Variants in NBAS observed in about 807,000 individuals in gnomAD.
NBAS encodes the protein NBAS subunit of NRZ tethering complex.
Under a neutral mutation model 302.5 loss-of-function variants are expected in NBAS, and 219 were observed. That is an observed-to-expected ratio of 0.72 (90% CI 0.65 to 0.81). NBAS has a LOEUF of 0.81. Among genes scored for constraint, NBAS ranks in the 30% least tolerant of loss-of-function variants. The pLI is 0.00. For synonymous variants in NBAS, 1,118 were observed against 1,021.6 expected (o/e 1.09, Z -1.80); for missense variants, 2,932 against 2,841.6 (o/e 1.03, Z -0.72).
At chr2:15,427,018 G>A (rs1677513611) in intron 22 of NBAS, among the ~76,000 whole-genome samples, 1 of 152,044 alleles carries the variant, frequency 6.6e-6, no homozygotes, top group South Asian at 2.1e-4. Flanking sequence ...GGACATTCAG[G>A]TCATACATTT....
At chr2:15,188,267 T>G (rs1665179833) in intron 49 of NBAS, among the ~76,000 whole-genome samples, 1 of 152,238 alleles carries the variant, frequency 6.6e-6, no homozygotes, top group Admixed American at 6.5e-5. Context: ...ACTAGTAAAT[T>G]ATAGTCATGT....
the NBAS span, among the ~76,000 whole-genome samples, chr2:14,915,251 T>C: frequency 6.6e-6 from 1 of 152,238 alleles, no homozygotes; most frequent in African/African-American, 2.4e-5. Context: ...CTGGGTCCTT[T>C]AGAAAGAGTC....
chr2:15,029,654 T>C, the NBAS span, among the ~76,000 whole-genome samples: 1 of 152,190 alleles, frequency 6.6e-6, no homozygotes, highest in Non-Finnish European at 1.5e-5. Context: ...TAGGTTTTCG[T>C]GTTCTTGTGT....
At chr2:14,864,893 T>C in the NBAS span, among the ~76,000 whole-genome samples, 2 of 152,214 alleles carry the variant, frequency 1.3e-5, no homozygotes, top group African/African-American at 4.8e-5. Context: ...AAGTGTTAGC[T>C]TGTATTATTA....
chr2:15,148,018 T>G, the NBAS span, among the ~76,000 whole-genome samples: 1 of 152,058 alleles, frequency 6.6e-6, no homozygotes, highest in Admixed American at 6.5e-5. Flanking sequence ...GATGCAGAGA[T>G]CCCCAGACAT....
intron 31 of NBAS, among the ~76,000 whole-genome samples, chr2:15,371,377 T>C (rs562034170): frequency 6.6e-6 from 1 of 152,006 alleles, no homozygotes; most frequent in East Asian, 1.9e-4. Flanking sequence ...ATTTTGAGAA[T>C]TAGTGAATAC....
rs774711181 is a variant in NBAS at position 15,467,378 on chromosome 2, C to A, written c.2048G>T (p.Arg683Leu). Residue 683 changes from arginine (R) to leucine (L), a missense_variant, in exon 19 of 52, where the codon CGT (arginine) becomes CTT (leucine). Transcript: ENST00000281513. ...GTAGGTTAATAACTTCCGTCTACAACGGCAAAGTTCCTTTTGTTCCAGTGT... is the reference window on the plus strand; with the variant it reads ...GTAGGTTAATAACTTCCGTCTACAAAGGCAAAGTTCCTTTTGTTCCAGTGT... ...KLTLEQKELC[R>L]CRRKLLTYLD... 17 of 1,613,326 alleles carry A rather than the reference C, an allele frequency of 1.1e-5. No homozygotes were observed. Among genetic ancestry groups the A allele is most frequent in the Non-Finnish European group, 1.4e-5 (17 of 1,179,554 alleles).
chr2:15,145,903 T>A, the NBAS span, among the ~76,000 whole-genome samples: 1 of 152,110 alleles, frequency 6.6e-6, no homozygotes, highest in Non-Finnish European at 1.5e-5. Flanking sequence ...CATCTAAACA[T>A]AAGGTGAATG....
chr2:15,353,698 C>T lies in NBAS; in HGVS notation c.3944G>A (p.Ser1315Asn). The T allele has an allele frequency of 6.2e-7, 1 of 1,613,984 alleles. No homozygotes were observed. The highest frequency in any genetic ancestry group is 8.5e-7 in the Non-Finnish European group (1 of 1,179,938). Residue 1315 changes from serine (S) to asparagine (N), a missense_variant, in exon 34 of 52, where the codon AGT becomes AAT. Transcript: ENST00000281513. ...TCCTAACTGGCTACAAACATCCCAA[C>T]TTTTAGGATAACCTGCAAAATTGGC... ...QELMATGYPKSWDVCSQLGQS... is the reference protein window; with the variant it reads ...QELMATGYPKNWDVCSQLGQS...
chr2:15,046,401 TG>T, the NBAS span, among the ~76,000 whole-genome samples: 1 of 152,166 alleles, frequency 6.6e-6, no homozygotes, highest in Non-Finnish European at 1.5e-5. Context: ...CTCCAAGAAA[TG>T]TTTTTAATCA....
At chr2:15,191,857 A>C (rs1665374833) in intron 48 of NBAS, among the ~76,000 whole-genome samples, 1 of 152,138 alleles carries the variant, frequency 6.6e-6, no homozygotes, top group African/African-American at 2.4e-5. Flanking sequence ...CTCCGACCTC[A>C]CCACCTTCAA....
chr2:15,539,152 T>C, intron 7 of NBAS, 71 bp downstream of exon 7: 2 of 1,589,820 alleles, frequency 1.3e-6, no homozygotes, highest in Non-Finnish European at 1.7e-6. Context: ...CCCTTCACAC[T>C]CTTTTATTCA....
chr2:15,503,035 A>G (rs1383741097), intron 11 of NBAS, among the ~76,000 whole-genome samples: 1 of 152,194 alleles, frequency 6.6e-6, no homozygotes, highest in Non-Finnish European at 1.5e-5. Flanking sequence ...TTTGTTAAAA[A>G]CTAAGACACA....
At chr2:15,168,346 G>A (rs1470470270) in intron 51 of NBAS, among the ~76,000 whole-genome samples, 4 of 152,180 alleles carry the variant, frequency 2.6e-5, no homozygotes, top group East Asian at 1.9e-4. Context: ...TTGAAGATGC[G>A]AAGGTCAACT....
intron 21 of NBAS, among the ~76,000 whole-genome samples, chr2:15,459,519 G>C (rs1679408237): frequency 3.2e-5 from 1 of 30,802 alleles, no homozygotes; most frequent in South Asian, 7.9e-4. Flanking sequence ...TTTTGAGATG[G>C]AGTCTCGTTC....
At chr2:15,181,766 GC>G (rs1664836289) in intron 50 of NBAS, among the ~76,000 whole-genome samples, 1 of 152,222 alleles carries the variant, frequency 6.6e-6, no homozygotes, top group Non-Finnish European at 1.5e-5. Context: ...CATGAGAGAA[GC>G]AGGACCAGTT....
intron 21 of NBAS, among the ~76,000 whole-genome samples, chr2:15,445,829 C>T (rs1228014655): frequency 6.6e-6 from 1 of 150,570 alleles, no homozygotes. Flanking sequence ...TCAAGAAACA[C>T]CAATGACATG....
In NBAS at chr2:15,371,449, C is replaced by T. The variant is rs573586887; in HGVS notation, c.3703+3159G>A. On this transcript the variant is annotated intron_variant, in intron 31 of 51. Transcript: ENST00000281513. ...AAATATTAGCTATATTATTACCTAC[C>T]GCCATATTCACAGAAACACTTATAA... Among the ~76,000 whole-genome samples, 56 of 152,218 alleles carry T rather than the reference C, an allele frequency of 3.7e-4. No homozygotes were observed. In the South Asian group the frequency reaches 0.011, roughly 30 times the overall value.
At chr2:14,861,176 C>G in the NBAS span, among the ~76,000 whole-genome samples, 1 of 152,160 alleles carries the variant, frequency 6.6e-6, no homozygotes. Context: ...ACTTACAACT[C>G]TAATACACAT....
Sources: gnomAD v4.1 joint callset for allele counts (sites outside exome capture counted in the v4.1 genomes callset) on GRCh38, gnomAD v4.1.1 for gene constraint, MANE v1.5 for transcripts, NCBI Gene and HGNC (gene_info 2026-07-23, HGNC 2026-07-21) for gene names.